The following HIPK2 variants were observed in gnomAD, a reference collection of about 807,000 sequenced individuals.
The protein encoded by HIPK2 is homeodomain interacting protein kinase 2.
In HIPK2, 27 loss-of-function variants were observed where a neutral mutation model predicts 113.7. That is an observed-to-expected ratio of 0.24 (90% confidence interval 0.17 to 0.33). The LOEUF is 0.33. Ranked by LOEUF, HIPK2 falls within the 10% of genes least tolerant of loss-of-function variation. HIPK2 has a pLI of 1.00. For missense variants in HIPK2, 1,257 were observed against 1,588.0 expected (o/e 0.79, Z 3.54); for synonymous variants, 631 against 642.2 (o/e 0.98, Z 0.26).
At chr7:139,719,091 G>A (rs1236846971) in intron 1 of HIPK2, among the ~76,000 whole-genome samples, 1 of 152,008 alleles carries the variant, frequency 6.6e-6, no homozygotes, top group African/African-American at 2.4e-5. Context: ...CCCATCCCGT[G>A]TCTGATTGCA....
In HIPK2 at chr7:139,564,273, T is replaced by C. The variant is rs1051451132; in HGVS notation, c.*8654A>G. ...CCATGGGAATAGGGGTATATGGTCC[T>C]CCCCTACAAAACGCTGATCAAAATA... On this transcript the variant is annotated 3_prime_UTR_variant, in exon 15 of 15. Transcript: ENST00000406875. 8.7e-6 allele frequency: 2 copies of C among 229,758 alleles called. No individual in the cohort carries two copies. Among genetic ancestry groups the C allele is most frequent in the Admixed American group, 5.7e-5 (1 of 17,556 alleles). 14.2% of individuals were successfully genotyped at this position (229,758 alleles called of 1,614,324 possible).
At chr7:139,755,131 C>T (rs1428239328) in intron 1 of HIPK2, among the ~76,000 whole-genome samples, 1 of 152,160 alleles carries the variant, frequency 6.6e-6, no homozygotes. Context: ...TAGGCACTGG[C>T]ACACACCATC....
At chr7:139,576,482 T>C (rs1798495491) in intron 13 of HIPK2, among the ~76,000 whole-genome samples, 1 of 151,952 alleles carries the variant, frequency 6.6e-6, no homozygotes, top group Non-Finnish European at 1.5e-5. Flanking sequence ...CTGAGAGAGG[T>C]GGGTTAAACC....
chr7:139,632,013 C>A (rs1454070711), intron 2 of HIPK2, among the ~76,000 whole-genome samples: 4 of 152,210 alleles, frequency 2.6e-5, no homozygotes, highest in African/African-American at 9.7e-5. Flanking sequence ...CTTCACACGC[C>A]AATCAGATGA....
chr7:139,683,071 C>T lies in HIPK2; in HGVS notation c.1103+32861G>A, dbSNP rs1794096215. On this transcript the variant is annotated intron_variant, in intron 2 of 14. Coordinates refer to ENST00000406875, the MANE Select transcript of HIPK2 (RefSeq NM_022740.5). This position sits in a 1 kb window ranked among gnomAD's most constrained non-coding sequence, Gnocchi z 4.2. The stretch of plus-strand genomic sequence containing the variant: ...CTTAAATATAAGGCATTTTTACCAC[C>T]AACACGCCACTCAGTAAGGTCACTC... Among the ~76,000 whole-genome samples the T allele has an allele frequency of 6.6e-6, 1 of 152,134 alleles. No homozygotes were observed. Among genetic ancestry groups the T allele is most frequent in the Admixed American group, 6.5e-5 (1 of 15,276 alleles).
At chr7:139,588,868 G>C (rs1432958488) in intron 12 of HIPK2, among the ~76,000 whole-genome samples, 1 of 152,236 alleles carries the variant, frequency 6.6e-6, no homozygotes, top group Non-Finnish European at 1.5e-5. Context: ...CAGGGGAAGA[G>C]CTGGGAGCCA....
intron 11 of HIPK2, among the ~76,000 whole-genome samples, chr7:139,600,117 C>G (rs896031407): frequency 1.3e-5 from 2 of 152,096 alleles, no homozygotes; most frequent in African/African-American, 4.8e-5. Flanking sequence ...CCTGCCTTGG[C>G]TATAAATTTT....
chr7:139,614,366 A>G lies in HIPK2; in HGVS notation c.1910T>C (p.Leu637Pro). Residue 637 changes from leucine (L) to proline (P), a missense_variant, in exon 8 of 15, where the codon CTG (leucine) becomes CCG (proline). Leu to Pro is a moderately conservative substitution (Grantham distance 98). Transcript: ENST00000406875. ...MAAVAQRSMP[L>P]QTGTAQICAR... Reference sequence around the variant, plus strand: ...ACAAATCTGGGCTGTTCCTGTCTGCAGGGGCATGCTCCGCTGGGCCACTGC... The same window carrying G: ...ACAAATCTGGGCTGTTCCTGTCTGCGGGGGCATGCTCCGCTGGGCCACTGC... 6.3e-7 allele frequency: 1 copy of G among 1,586,192 alleles called. No individual in the cohort carries two copies. Among genetic ancestry groups the G allele is most frequent in the Non-Finnish European group, 8.6e-7 (1 of 1,161,728 alleles).
chr7:139,683,570 C>T lies in HIPK2; in HGVS notation c.1103+32362G>A, dbSNP rs1281748586. On this transcript the variant is annotated intron_variant, in intron 2 of 14. Coordinates refer to ENST00000406875, the MANE Select transcript of HIPK2 (RefSeq NM_022740.5). This position sits in a 1 kb window ranked among gnomAD's most constrained non-coding sequence, Gnocchi z 4.2. ...TCAGAATCTAATCTTGGAAGTGAAACACCGTCATTTCTGCCAGATTCTCTG... is the reference window on the plus strand; with the variant it reads ...TCAGAATCTAATCTTGGAAGTGAAATACCGTCATTTCTGCCAGATTCTCTG... Among the ~76,000 whole-genome samples, 1 of 152,182 alleles carries T rather than the reference C, an allele frequency of 6.6e-6. No individual in the cohort carries two copies. The highest frequency in any genetic ancestry group is 1.9e-4 in the East Asian group (1 of 5,190).
intron 1 of HIPK2, among the ~76,000 whole-genome samples, chr7:139,754,029 C>T (rs539026570): frequency 5.3e-4 from 80 of 152,358 alleles, no homozygotes; most frequent in South Asian, 4.3e-3. Context: ...ACGGGCGCCA[C>T]GCTGGAGCCA....
chr7:139,570,802 G>A lies in HIPK2; in HGVS notation c.*2125C>T, dbSNP rs1362346643. 1 of 152,320 alleles carries A rather than the reference G, an allele frequency of 6.6e-6. No homozygotes were observed. Among genetic ancestry groups the A allele is most frequent in the Non-Finnish European group, 1.5e-5 (1 of 68,048 alleles). The allele number at this position is 152,320 out of a possible 1,614,324, so 9.4% of individuals were successfully genotyped here. A position where few individuals can be genotyped will look rare whatever the true frequency, so the allele number is the denominator to read the frequency against. ...CTTTGCACCTTGGAAACCTGCCTGTGGGGTCAGCTAAAGACTCAACATCAG... is the reference window on the plus strand; with the variant it reads ...CTTTGCACCTTGGAAACCTGCCTGTAGGGTCAGCTAAAGACTCAACATCAG... On this transcript the variant is annotated 3_prime_UTR_variant, in exon 15 of 15. Transcript: ENST00000406875.
At chr7:139,741,647 A>G (rs1796100878) in intron 1 of HIPK2, among the ~76,000 whole-genome samples, 1 of 111,192 alleles carries the variant, frequency 9.0e-6, no homozygotes, top group South Asian at 2.4e-4. Context: ...AGCCTGTCCC[A>G]CCTTTGTTAT....
At chr7:139,698,158 C>A (rs1271667193) in intron 2 of HIPK2, among the ~76,000 whole-genome samples, 1 of 152,206 alleles carries the variant, frequency 6.6e-6, no homozygotes, top group Non-Finnish European at 1.5e-5. Flanking sequence ...AGCTACTGCA[C>A]CTAGCCATCT....
intron 1 of HIPK2, among the ~76,000 whole-genome samples, chr7:139,730,180 T>C (rs1795727814): frequency 6.6e-6 from 1 of 152,186 alleles, no homozygotes; most frequent in Admixed American, 6.5e-5. Flanking sequence ...GTTGGTAAAG[T>C]AAAATGATGC....
At chr7:139,579,210 A>G (rs1798588211) in intron 13 of HIPK2, among the ~76,000 whole-genome samples, 1 of 152,210 alleles carries the variant, frequency 6.6e-6, no homozygotes, top group Non-Finnish European at 1.5e-5. Flanking sequence ...GGGGTGTTCA[A>G]AGGACGAATC....
At chr7:139,682,943 C>G (rs753744083) in intron 2 of HIPK2, among the ~76,000 whole-genome samples, 5 of 152,198 alleles carry the variant, frequency 3.3e-5, no homozygotes, top group Non-Finnish European at 7.3e-5. Flanking sequence ...GGGCCACAGA[C>G]AGGAAGTGGG....
intron 2 of HIPK2, among the ~76,000 whole-genome samples, chr7:139,637,711 G>C (rs1212308089): frequency 6.6e-6 from 1 of 152,144 alleles, no homozygotes; most frequent in East Asian, 1.9e-4. Flanking sequence ...AGCATTTGTT[G>C]ATCAAATAAA....
intron 1 of HIPK2, among the ~76,000 whole-genome samples, chr7:139,737,977 G>A (rs1303776835): frequency 6.6e-6 from 1 of 152,208 alleles, no homozygotes; most frequent in Non-Finnish European, 1.5e-5. Context: ...TTCAACCTGG[G>A]CTCCAGGGCC....
chr7:139,591,057 G>C (rs1426745099), intron 12 of HIPK2, among the ~76,000 whole-genome samples: 1 of 152,172 alleles, frequency 6.6e-6, no homozygotes, highest in Non-Finnish European at 1.5e-5. Flanking sequence ...ATATTGCCCA[G>C]GTTGGTCTCA....
Sources: gnomAD v4.1 joint callset for allele counts (sites outside exome capture counted in the v4.1 genomes callset) on GRCh38, gnomAD v4.1.1 for gene constraint, Gnocchi (gnomAD v3.1) non-coding constraint, MANE v1.5 for transcripts, NCBI Gene and HGNC (gene_info 2026-07-23, HGNC 2026-07-21) for gene names.